The following C9 variants were observed in gnomAD, a reference collection of about 807,000 sequenced individuals.
C9 encodes the protein complement C9, also known as complement component C9.
In C9, 63 loss-of-function variants were observed where a neutral mutation model predicts 65.4. That is an observed-to-expected ratio of 0.96 (90% CI 0.79 to 1.19). The LOEUF is 1.19. Ranked by LOEUF, C9 falls within the 50% of genes most tolerant of loss-of-function variation. The pLI, the probability that C9 is intolerant of heterozygous loss-of-function variation, is 0.00. For synonymous variants in C9, 229 were observed against 227.9 expected, an observed-to-expected ratio of 1.00 and a Z score of -0.04; for missense variants, 744 against 670.1, an observed-to-expected ratio of 1.11 and a Z score of -1.22.
At chr5:39,301,580 C>A (rs180891628) in intron 9 of C9, among the ~76,000 whole-genome samples, 2 of 152,168 alleles carry the variant, frequency 1.3e-5, no homozygotes, top group East Asian at 3.9e-4. Context: ...ATATTACTCT[C>A]TGTACTATTC....
At chr5:39,361,653 C>T (rs1484654376) in intron 1 of C9, among the ~76,000 whole-genome samples, 2 of 152,242 alleles carry the variant, frequency 1.3e-5, no homozygotes, top group East Asian at 3.9e-4. Flanking sequence ...GGGATCGAAC[C>T]CAGGCCACCT....
intron 9 of C9, among the ~76,000 whole-genome samples, chr5:39,290,274 A>G (rs573141046): frequency 2.0e-5 from 3 of 152,000 alleles, no homozygotes; most frequent in African/African-American, 7.2e-5. Flanking sequence ...TAATGGAGAT[A>G]TCATAACATA....
At chr5:39,298,483 C>CT (rs1753223981) in intron 9 of C9, among the ~76,000 whole-genome samples, 1 of 151,602 alleles carries the variant, frequency 6.6e-6, no homozygotes, top group South Asian at 2.1e-4. Context: ...CAGGATATCA[C>CT]TATAGAATCT....
chr5:39,334,008 G>C (rs1468024222), intron 4 of C9, among the ~76,000 whole-genome samples: 2 of 152,184 alleles, frequency 1.3e-5, no homozygotes, highest in Non-Finnish European at 2.9e-5. Flanking sequence ...AAAGTGCCGA[G>C]ATTGCAGCCT....
chr5:39,358,458 G>A (rs1754447467), intron 1 of C9, among the ~76,000 whole-genome samples: 1 of 152,128 alleles, frequency 6.6e-6, no homozygotes, highest in African/African-American at 2.4e-5. Context: ...CACCTTGTAG[G>A]CCATGGACAG....
intron 5 of C9, among the ~76,000 whole-genome samples, chr5:39,320,955 A>G (rs1211128603): frequency 6.6e-6 from 1 of 152,170 alleles, no homozygotes; most frequent in African/African-American, 2.4e-5. Context: ...TGATGAAGGA[A>G]TAAAAAATTT....
intron 9 of C9, among the ~76,000 whole-genome samples, chr5:39,304,349 T>C (rs1177934618): frequency 6.6e-6 from 1 of 152,146 alleles, no homozygotes; most frequent in Admixed American, 6.6e-5. Context: ...GTTCTAGTAA[T>C]TCTTCAAAAG....
chr5:39,319,163 AC>A (rs1357146690), intron 5 of C9, among the ~76,000 whole-genome samples: 16 of 152,148 alleles, frequency 1.1e-4, no homozygotes, highest in African/African-American at 3.9e-4. Flanking sequence ...CTGAAACATC[AC>A]TTCTTTAGGA....
At chr5:39,310,083 C>G (rs374126751) in intron 7 of C9, among the ~76,000 whole-genome samples, 10 of 152,140 alleles carry the variant, frequency 6.6e-5, no homozygotes, top group African/African-American at 2.2e-4. Flanking sequence ...CACTCCCCCC[C>G]GGGAAAGCTT....
chr5:39,331,469 T>G (rs1753838379), intron 5 of C9, among the ~76,000 whole-genome samples: 1 of 152,194 alleles, frequency 6.6e-6, no homozygotes, highest in Non-Finnish European at 1.5e-5. Context: ...TTGCCACATC[T>G]TTATCACTAG....
chr5:39,348,468 G>A (rs1405996339), intron 1 of C9, among the ~76,000 whole-genome samples: 1 of 152,142 alleles, frequency 6.6e-6, no homozygotes, highest in African/African-American at 2.4e-5. Flanking sequence ...AAACCACAAC[G>A]AGATACCATC....
intron 9 of C9, among the ~76,000 whole-genome samples, chr5:39,296,779 G>A (rs1257273406): frequency 6.6e-6 from 1 of 151,516 alleles, no homozygotes; most frequent in Non-Finnish European, 1.5e-5. Flanking sequence ...CTTGTCATTT[G>A]TGGCCACATA....
At chr5:39,362,552 C>T (rs770874755) in intron 1 of C9, among the ~76,000 whole-genome samples, 4 of 152,032 alleles carry the variant, frequency 2.6e-5, no homozygotes, top group Admixed American at 6.6e-5. Context: ...TTGTTTGAAG[C>T]CATCCAGCTT....
At chr5:39,314,146 T>C (rs1255490227) in intron 6 of C9, among the ~76,000 whole-genome samples, 1 of 152,084 alleles carries the variant, frequency 6.6e-6, no homozygotes, top group Non-Finnish European at 1.5e-5. Context: ...AATGTCAATC[T>C]TCTATTAAAA....
chr5:39,300,822 A>G (rs1399773003), intron 9 of C9, among the ~76,000 whole-genome samples: 1 of 152,150 alleles, frequency 6.6e-6, no homozygotes, highest in Admixed American at 6.6e-5. Context: ...CCATGTATAG[A>G]AAGACAGTTT....
intron 5 of C9, 108 bp downstream of exon 5, chr5:39,331,568 T>C (rs1405004804): frequency 2.1e-6 from 2 of 941,594 alleles, no homozygotes; most frequent in African/African-American, 1.6e-5. Flanking sequence ...CTTGTGTTCA[T>C]GTGAAATTAT....
intron 9 of C9, among the ~76,000 whole-genome samples, chr5:39,289,926 T>C (rs938464592): frequency 7.2e-5 from 11 of 151,866 alleles, no homozygotes; most frequent in Non-Finnish European, 7.4e-5. Context: ...TGGAGGGACA[T>C]GATCTCAAAA....
chr5:39,320,578 G>T (rs1361613538), intron 5 of C9, among the ~76,000 whole-genome samples: 1 of 152,062 alleles, frequency 6.6e-6, no homozygotes, highest in Non-Finnish European at 1.5e-5. Flanking sequence ...GCCCCAGAAG[G>T]AAGAGAGAAA....
chr5:39,318,699 A>G (rs1161568425), intron 5 of C9, among the ~76,000 whole-genome samples: 1 of 152,094 alleles, frequency 6.6e-6, no homozygotes, highest in Non-Finnish European at 1.5e-5. Flanking sequence ...GTATCTTCAG[A>G]CAGTGTCATG....
Sources: allele counts gnomAD v4.1 joint callset (sites outside exome capture counted in the v4.1 genomes callset), GRCh38; gene constraint gnomAD v4.1.1; transcripts MANE v1.5; gene names NCBI Gene and HGNC (gene_info 2026-07-23, HGNC 2026-07-21).